The following ASCC2 variants were observed in gnomAD, a reference collection of about 807,000 sequenced individuals.
ASCC2 encodes ASC-1 complex subunit P100.
A neutral mutation model predicts 93.5 loss-of-function variants in ASCC2; 42 were observed. The ratio of observed to expected loss-of-function variants is 0.45; its 90% CI spans 0.35 to 0.58. The LOEUF is 0.58. ASCC2 is among the 20% of genes least tolerant of loss of function. ASCC2 has a pLI of 0.00. For missense variants in ASCC2, 859 were observed against 977.6 expected (o/e 0.88, Z 1.62); for synonymous variants, 364 against 384.2 (o/e 0.95, Z 0.62).
intron 2 of ASCC2, among the ~76,000 whole-genome samples, chr22:29,831,477 T>A (rs547709296): frequency 6.6e-6 from 1 of 152,198 alleles, no homozygotes; most frequent in Non-Finnish European, 1.5e-5. Context: ...TGTATAAATG[T>A]CAGGTACTAT....
In ASCC2 at chr22:29,822,325, T is replaced by G. The variant is rs765891397; in HGVS notation, c.541+10A>C. ...CTTGGTGCATCCTCCCAGTCCTGCA[T>G]CCTACACACCTATCATCTTCTGGAG... On this transcript the variant is annotated intron_variant, in intron 5 of 19. Transcript: ENST00000307790. 4 of 1,613,788 alleles carry G rather than the reference T, an allele frequency of 2.5e-6. No homozygotes were observed. In the Admixed American group the frequency reaches 6.7e-5, roughly 27 times the overall value.
intron 8 of ASCC2, among the ~76,000 whole-genome samples, chr22:29,809,081 C>G (rs1010460911): frequency 7.5e-5 from 11 of 147,056 alleles, no homozygotes; most frequent in African/African-American, 2.8e-4. Flanking sequence ...GATCGCCCCC[C>G]ACTGAACTCC....
Position 29,802,173 on chromosome 22 carries a change from C to A in ASCC2, c.1389G>T (p.Met463Ile). The change falls in exon 14 of 20, where the codon ATG becomes ATT. Residue 463 changes from methionine (M) to isoleucine (I), a missense_variant. Physicochemically the swap from Met to Ile is conservative, Grantham distance 10. Coordinates refer to ENST00000307790, the MANE Select transcript of ASCC2 (RefSeq NM_032204.5). ...MGAAAAVGPA[M>I]CGVELDSLIS... ...TGAGAGAGTCCAGTTCCACCCCACACATGGCAGGGCCCACAGCCGCGGCTG... is the reference window on the plus strand; with the variant it reads ...TGAGAGAGTCCAGTTCCACCCCACAAATGGCAGGGCCCACAGCCGCGGCTG... 1 of 1,614,262 alleles carries A rather than the reference C, an allele frequency of 6.2e-7. No individual in the cohort carries two copies. The highest frequency in any genetic ancestry group is 1.7e-4 in the Middle Eastern group (1 of 6,052).
intron 4 of ASCC2, among the ~76,000 whole-genome samples, chr22:29,824,288 A>T (rs1464389541): frequency 1.4e-5 from 2 of 147,566 alleles, no homozygotes; most frequent in Non-Finnish European, 3.0e-5. Flanking sequence ...ACACACACAC[A>T]CACTCAAAGG....
intron 8 of ASCC2, among the ~76,000 whole-genome samples, chr22:29,809,167 A>G (rs2060018928): frequency 6.6e-6 from 1 of 151,650 alleles, no homozygotes; most frequent in Non-Finnish European, 1.5e-5. Flanking sequence ...TCAACACAAT[A>G]TTTGTATTTG....
chr22:29,821,926 GA>G (rs1226959135), intron 5 of ASCC2: 31 of 451,912 alleles, frequency 6.9e-5, no homozygotes, highest in Non-Finnish European at 3.6e-5. Flanking sequence ...TTTACTCCAG[GA>G]ATGTGAAGCT....
rs1352628716 is a variant in ASCC2 at position 29,825,772 on chromosome 22, C to T, written c.90G>A (p.Glu30=). The T allele has an allele frequency of 3.7e-6, 6 of 1,608,624 alleles. No individual in the cohort carries two copies. The highest frequency in any genetic ancestry group is 3.4e-6 in the Non-Finnish European group (4 of 1,175,614). Residue 30 remains glutamate, a synonymous_variant, in exon 3 of 20, where the codon GAG becomes GAA. Coordinates refer to ENST00000307790, the MANE Select transcript of ASCC2 (RefSeq NM_032204.5). The surrounding 1 kb of genome is among the most constrained non-coding windows in gnomAD (Gnocchi z 4.9). ...KLRTSPALHP[E]QKADRYFVLY... ...ACACAAAATACCGGTCTGCCTTCTG[C>T]TCGGGGTGCTACGGATCCAAAAACC...
At chr22:29,790,584 G>A (rs373012408) in intron 18 of ASCC2, 36 bp from the exon 19 acceptor site, 47 of 1,601,580 alleles carry the variant, frequency 2.9e-5, no homozygotes, top group Middle Eastern at 1.7e-4. Flanking sequence ...CTGGAGTCAG[G>A]AGCTGCCACA....
chr22:29,812,015 C>A lies in ASCC2; in HGVS notation c.833+1415G>T, dbSNP rs535298093. 1.4e-4 allele frequency among the ~76,000 whole-genome samples: 22 copies of A among 152,340 alleles called. No individual in the cohort carries two copies. The South Asian group carries it at 4.6e-3, about 32-fold the overall frequency. On this transcript the variant is annotated intron_variant, in intron 8 of 19. Coordinates refer to ENST00000307790, the MANE Select transcript of ASCC2 (RefSeq NM_032204.5). ...AAAGTGGACAGCTACATACCCCTCTCTTCTGGGGAAAATGCCAGGCAGCAG... is the reference window on the plus strand; with the variant it reads ...AAAGTGGACAGCTACATACCCCTCTATTCTGGGGAAAATGCCAGGCAGCAG...
intron 10 of ASCC2, 94 bp downstream of exon 10, chr22:29,806,703 T>G: frequency 7.0e-7 from 1 of 1,426,136 alleles, no homozygotes; most frequent in South Asian, 1.2e-5. Context: ...CCAACCCCAG[T>G]GCAGTGGAGG....
chr22:29,806,651 G>T, intron 10 of ASCC2, 98 bp from the exon 11 acceptor site: 1 of 1,431,248 alleles, frequency 7.0e-7, no homozygotes, highest in Non-Finnish European at 9.7e-7. Flanking sequence ...GGGGCCCAGT[G>T]GAGGAATGAG....
chr22:29,798,312 T>C (rs1421050412), intron 15 of ASCC2, among the ~76,000 whole-genome samples: 1 of 152,162 alleles, frequency 6.6e-6, no homozygotes, highest in Non-Finnish European at 1.5e-5. Context: ...GAGTTGGTTT[T>C]CCTGATGAGA....
chr22:29,794,039 C>T (rs1254745025), intron 15 of ASCC2, among the ~76,000 whole-genome samples: 2 of 151,954 alleles, frequency 1.3e-5, no homozygotes, highest in Non-Finnish European at 2.9e-5. Context: ...GCTGGGACTA[C>T]AGGCCTGGTT....
intron 9 of ASCC2, 144 bp downstream of exon 9, chr22:29,807,967 T>C (rs2147834841): frequency 4.1e-6 from 3 of 723,264 alleles, no homozygotes. Flanking sequence ...AGTGGCTAGA[T>C]AGGGATGCAG....
At chr22:29,823,629 C>T (rs2061878771) in intron 4 of ASCC2, among the ~76,000 whole-genome samples, 2 of 152,242 alleles carry the variant, frequency 1.3e-5, no homozygotes, top group Non-Finnish European at 2.9e-5. Flanking sequence ...AGACGGATCA[C>T]GTGAGGTCAG....
intron 1 of ASCC2, among the ~76,000 whole-genome samples, chr22:29,836,213 T>C (rs2063757901): frequency 6.6e-6 from 1 of 151,284 alleles, no homozygotes; most frequent in Admixed American, 6.6e-5. Context: ...AAAACACAGG[T>C]CAGATAGGGG....
At chr22:29,837,704 G>C (rs907325525) in intron 1 of ASCC2, among the ~76,000 whole-genome samples, 2 of 152,120 alleles carry the variant, frequency 1.3e-5, no homozygotes, top group Admixed American at 6.5e-5. Flanking sequence ...CCTTCTGATG[G>C]CTCTGCCTAT....
chr22:29,799,294 T>C (rs1424943595), intron 15 of ASCC2: 1 of 152,332 alleles, frequency 6.6e-6, no homozygotes, highest in Non-Finnish European at 1.5e-5. Flanking sequence ...CAGAGGGCCA[T>C]GCTGGCCTGG....
intron 7 of ASCC2, among the ~76,000 whole-genome samples, chr22:29,814,076 T>C (rs991686218): frequency 1.6e-4 from 25 of 152,166 alleles, no homozygotes; most frequent in Admixed American, 6.5e-4. Flanking sequence ...AATGATTTGC[T>C]CCCACAGCAC....
Sources: gnomAD v4.1 joint callset for allele counts (sites outside exome capture counted in the v4.1 genomes callset) on GRCh38, gnomAD v4.1.1 for gene constraint, Gnocchi (gnomAD v3.1) non-coding constraint, MANE v1.5 for transcripts, NCBI Gene and HGNC (gene_info 2026-07-23, HGNC 2026-07-21) for gene names.